DAB2IP: variants seen among roughly 807,000 people sequenced by gnomAD.
DAB2IP encodes the protein disabled homolog 2-interacting protein.
DAB2IP carries 28 observed loss-of-function variants against 107.2 expected under a neutral mutation model. The observed-to-expected ratio is 0.26, with a 90% CI of 0.19 to 0.36. The LOEUF (loss-of-function observed/expected upper bound fraction) is 0.36. Among genes scored for constraint, DAB2IP ranks in the 10% least tolerant of loss-of-function variants. DAB2IP has a pLI of 1.00. For synonymous variants in DAB2IP, 755 were observed against 706.4 expected, an observed-to-expected ratio of 1.07 and a Z score of -1.09; for missense variants, 1,400 against 1,644.7, an observed-to-expected ratio of 0.85 and a Z score of 2.57.
chr9:121,639,208 A>C (rs2119030552), intron 1 of DAB2IP, among the ~76,000 whole-genome samples: 1 of 152,326 alleles, frequency 6.6e-6, no homozygotes, highest in South Asian at 2.1e-4. Context: ...AAGGGGAAGC[A>C]CTGAATTGGG....
intron 1 of DAB2IP, among the ~76,000 whole-genome samples, chr9:121,645,766 G>A (rs1260760513): frequency 6.6e-6 from 1 of 152,140 alleles, no homozygotes; most frequent in Non-Finnish European, 1.5e-5. Flanking sequence ...CTTCTACCTC[G>A]GACATTCCGG....
intron 3 of DAB2IP, among the ~76,000 whole-genome samples, chr9:121,707,434 A>C (rs1312539528): frequency 5.9e-5 from 9 of 152,066 alleles, no homozygotes; most frequent in Non-Finnish European, 1.2e-4. Flanking sequence ...ATGAGATCCC[A>C]CCTCCACTTT....
chr9:121,595,772 C>G (rs1273620679), intron 1 of DAB2IP, among the ~76,000 whole-genome samples: 1 of 152,184 alleles, frequency 6.6e-6, no homozygotes, highest in Admixed American at 6.5e-5. Context: ...TTTACCATAT[C>G]TGTGCATTCC....
rs1340042880 is a variant in DAB2IP at position 121,776,907 on chromosome 9, A to AGGGAGAGG, written c.3314+521_3314+528dup. 6.6e-6 allele frequency among the ~76,000 whole-genome samples: 1 copy of AGGGAGAGG among 151,822 alleles called. No individual in the cohort carries two copies. The highest frequency in any genetic ancestry group is 1.5e-5 in the Non-Finnish European group (1 of 67,954). ...GTTAAGAGGAGTGGTTTGAGTGGGG[A>AGGGAGAGG]GGGAGAGGGGGATGGTGCCAGTCTG... On this transcript the variant is annotated intron_variant, in intron 14 of 15. Coordinates refer to ENST00000408936, the Ensembl canonical transcript of DAB2IP. The surrounding 1 kb of genome is among the most constrained non-coding windows in gnomAD (Gnocchi z 5.4).
At chr9:121,737,441 G>C in intron 3 of DAB2IP, 1 of 985,392 alleles carries the variant, frequency 1.0e-6, no homozygotes, top group Non-Finnish European at 1.2e-6. Flanking sequence ...TTCGGGAAGG[G>C]GAAGCCCTCC....
chr9:121,668,901 G>A lies in DAB2IP; in HGVS notation c.125-9777G>A, dbSNP rs904065040. Among the ~76,000 whole-genome samples, 6 of 140,078 alleles carry A rather than the reference G, an allele frequency of 4.3e-5. No homozygotes were observed. The Admixed American group carries it at 4.5e-4, about 11-fold the overall frequency. 91.9% of individuals were successfully genotyped at this position (140,078 alleles called of 152,430 possible). On this transcript the variant is annotated intron_variant, in intron 1 of 15. Transcript: ENST00000408936. ...TTTCAGCTTAAAGGGTCCATAGTAA[G>A]CCTTACTTTTTTTTTTTTTTTTTTT...
Position 121,634,416 on chromosome 9 carries a change from C to T in DAB2IP, c.41-44262C>T, listed in dbSNP as rs892516381. ...CTCAAAGTCCTTCAACCCTGCAGGT[C>T]TTTGGAGGAGGGTGAAATGGCCACC... On this transcript the variant is annotated intron_variant, in intron 1 of 16. Coordinates refer to the DAB2IP transcript ENST00000259371. The surrounding 1 kb of genome is among the most constrained non-coding windows in gnomAD (Gnocchi z 4.7). Among the ~76,000 whole-genome samples the T allele has an allele frequency of 5.9e-5, 9 of 152,168 alleles. No homozygotes were observed. Among genetic ancestry groups the T allele is most frequent in the Admixed American group, 3.3e-4 (5 of 15,280 alleles).
At chr9:121,729,843 G>T (rs576560503) in intron 3 of DAB2IP, among the ~76,000 whole-genome samples, 1 of 152,238 alleles carries the variant, frequency 6.6e-6, no homozygotes, top group African/African-American at 2.4e-5. Flanking sequence ...TTTTAAGACA[G>T]ATGTGGCTTC....
At chr9:121,756,106 C>G (rs1469013730) in intron 3 of DAB2IP, among the ~76,000 whole-genome samples, 1 of 152,202 alleles carries the variant, frequency 6.6e-6, no homozygotes. Context: ...CGCTTTTCCT[C>G]TGTCCCACCG....
intron 14 of DAB2IP, among the ~76,000 whole-genome samples, chr9:121,779,445 A>G (rs1347292771): frequency 6.6e-6 from 1 of 152,232 alleles, no homozygotes; most frequent in Non-Finnish European, 1.5e-5. Flanking sequence ...GATGCCAGGC[A>G]TTGTGAATCT....
At chr9:121,753,218 G>GT (rs1440508492) in intron 3 of DAB2IP, 1 of 152,092 alleles carries the variant, frequency 6.6e-6, no homozygotes, top group Non-Finnish European at 1.5e-5. Context: ...CAGGGTTGTT[G>GT]TAAGAAGTAG....
intron 1 of DAB2IP, among the ~76,000 whole-genome samples, chr9:121,586,756 G>A (rs1487897873): frequency 2.0e-5 from 3 of 151,978 alleles, no homozygotes; most frequent in Non-Finnish European, 4.4e-5. Context: ...GGAGGTGGAG[G>A]CTGTAGTGAG....
intron 10 of DAB2IP, among the ~76,000 whole-genome samples, chr9:121,770,331 C>T (rs533650239): frequency 3.3e-5 from 5 of 152,242 alleles, no homozygotes; most frequent in Admixed American, 6.5e-5. Context: ...CCTCCTACTC[C>T]TGCCCTAGAA....
chr9:121,568,867 G>A (rs971536674), intron 1 of DAB2IP, among the ~76,000 whole-genome samples: 1 of 152,238 alleles, frequency 6.6e-6, no homozygotes, highest in South Asian at 2.1e-4. Flanking sequence ...GCTGGGCAAG[G>A]CTGGAAACTG....
In DAB2IP at chr9:121,768,552, C is replaced by T. The variant is rs748294863; in HGVS notation, c.1818C>T (p.Gly606=). The stretch of plus-strand genomic sequence containing the variant: ...CCGAGACCCTCTCCAATACAGCCGG[C>T]TTCGAGGGCTACATCGACCTGGGCC... The change falls in exon 10 of 16, where the codon GGC becomes GGT. Residue 606 remains glycine (G), a synonymous_variant. Transcript: ENST00000408936. 1.1e-5 allele frequency: 18 copies of T among 1,614,230 alleles called. No homozygotes were observed. In the South Asian group the frequency reaches 1.8e-4, roughly 16 times the overall value.
At chr9:121,775,847 A>G (rs187814032) in intron 13 of DAB2IP, among the ~76,000 whole-genome samples, 63 of 152,342 alleles carry the variant, frequency 4.1e-4, no homozygotes, top group African/African-American at 1.5e-3. Context: ...GTGCTGTCAC[A>G]TGTCCTTCAT....
intron 3 of DAB2IP, among the ~76,000 whole-genome samples, chr9:121,747,343 C>CTTTT (rs10626616): frequency 7.6e-6 from 1 of 131,050 alleles, no homozygotes; most frequent in African/African-American, 3.1e-5. Context: ...TCCTTAGATG[C>CTTTT]TTTTTTTTTT....
chr9:121,617,899 T>C (rs1160077266), intron 1 of DAB2IP, among the ~76,000 whole-genome samples: 1 of 152,028 alleles, frequency 6.6e-6, no homozygotes, highest in African/African-American at 2.4e-5. Flanking sequence ...CTGGTTCCAT[T>C]GTAGCTCTTA....
At chr9:121,693,377 T>G (rs370417033) in intron 2 of DAB2IP, among the ~76,000 whole-genome samples, 26 of 152,190 alleles carry the variant, frequency 1.7e-4, no homozygotes, top group African/African-American at 5.8e-4. Context: ...GCCTGCCAGC[T>G]CATGCACCCA....
Sources: allele counts gnomAD v4.1 joint callset (sites outside exome capture counted in the v4.1 genomes callset), GRCh38; gene constraint gnomAD v4.1.1; non-coding constraint Gnocchi (gnomAD v3.1); transcripts MANE v1.5; gene names NCBI Gene and HGNC (gene_info 2026-07-23, HGNC 2026-07-21).